Variants in CACNA1C observed in about 807,000 individuals in gnomAD.
The protein encoded by CACNA1C is voltage-dependent L-type calcium channel subunit alpha-1C.
Under a neutral mutation model 229.0 loss-of-function variants are expected in CACNA1C, and 30 were observed. The ratio of observed to expected loss-of-function variants is 0.13; its 90% CI spans 0.10 to 0.18. The LOEUF is 0.18. Ranked by LOEUF, CACNA1C falls within the 10% of genes least tolerant of loss-of-function variation. The pLI is 1.00. For synonymous variants in CACNA1C, 1,114 were observed against 1,132.5 expected (o/e 0.98, Z 0.33); for missense variants, 1,658 against 2,845.0 (o/e 0.58, Z 9.49).
chr12:2,361,477 T>G (rs2097556339), intron 3 of CACNA1C, among the ~76,000 whole-genome samples: 1 of 152,134 alleles, frequency 6.6e-6, no homozygotes, highest in Admixed American at 6.5e-5. Context: ...CTTTTTTCCT[T>G]TCTCCCTTCC....
At chr12:2,685,111 A>T (rs1357150431) in intron 43 of CACNA1C, among the ~76,000 whole-genome samples, 1 of 152,198 alleles carries the variant, frequency 6.6e-6, no homozygotes, top group Non-Finnish European at 1.5e-5. Context: ...AAAGGCTATG[A>T]GGTTTCATTC....
At chr12:2,387,510 G>A (rs1398402726) in intron 3 of CACNA1C, among the ~76,000 whole-genome samples, 2 of 151,114 alleles carry the variant, frequency 1.3e-5, no homozygotes. Context: ...AAGAAAGAAA[G>A]CAATGACTAA....
At chr12:2,555,619 C>A (rs186238548) in intron 10 of CACNA1C, among the ~76,000 whole-genome samples, 2 of 152,172 alleles carry the variant, frequency 1.3e-5, no homozygotes, top group African/African-American at 2.4e-5. Context: ...GCTCCCAGTC[C>A]CCCTCCCACA....
chr12:2,487,985 C>G (rs975208383), intron 6 of CACNA1C, among the ~76,000 whole-genome samples: 1 of 152,176 alleles, frequency 6.6e-6, no homozygotes, highest in Non-Finnish European at 1.5e-5. Flanking sequence ...TTGACCCAAA[C>G]TCCTCAGGAA....
intron 3 of CACNA1C, among the ~76,000 whole-genome samples, chr12:2,190,371 G>GC (rs753482336): frequency 1.5e-4 from 23 of 152,142 alleles, no homozygotes; most frequent in Non-Finnish European, 2.8e-4. Context: ...GCTCATCCCC[G>GC]CCCCGCAGTG....
At chr12:2,077,394 ATTAC>A (rs1565538937) in intron 1 of CACNA1C, among the ~76,000 whole-genome samples, 1 of 115,656 alleles carries the variant, frequency 8.6e-6, no homozygotes, top group Non-Finnish European at 1.8e-5. Flanking sequence ...TTAAATTTGT[ATTAC>A]TTTTTAAAGA....
chr12:2,358,719 C>T (rs994325069), intron 3 of CACNA1C, among the ~76,000 whole-genome samples: 2 of 152,186 alleles, frequency 1.3e-5, no homozygotes, highest in Admixed American at 6.5e-5. Context: ...GAGAACAGTG[C>T]GCACGCCCAC....
chr12:2,559,952 A>AAT (rs1425901142), intron 11 of CACNA1C, among the ~76,000 whole-genome samples: 3 of 152,252 alleles, frequency 2.0e-5, no homozygotes, highest in Admixed American at 1.3e-4. Flanking sequence ...TTACTATTTC[A>AAT]ATATGTAATT....
rs112193355 is a variant in CACNA1C, at chr12:2,343,953, C to T, written c.478-105023C>T. On this transcript the variant is annotated intron_variant, in intron 3 of 46. Transcript: ENST00000399655. ...TTTCATCTCCTGCCTAACATAATGA[C>T]CAGTTTGGTTCCTGTCCTGGAAATA... Among the ~76,000 whole-genome samples, 456 of 152,276 alleles carry T rather than the reference C, an allele frequency of 3.0e-3. 3 individuals are homozygous for T. Among genetic ancestry groups the T allele is most frequent in the African/African-American group, 9.0e-3 (372 of 41,536 alleles).
At chr12:2,430,721 G>A (rs2099074680) in intron 3 of CACNA1C, among the ~76,000 whole-genome samples, 1 of 152,132 alleles carries the variant, frequency 6.6e-6, no homozygotes, top group South Asian at 2.1e-4. Context: ...TCCTGGCATT[G>A]TAGGATCTGG....
At chr12:2,555,935 C>T (rs2043986595) in intron 10 of CACNA1C, among the ~76,000 whole-genome samples, 1 of 152,154 alleles carries the variant, frequency 6.6e-6, no homozygotes, top group African/African-American at 2.4e-5. Flanking sequence ...TGTTTCCTCC[C>T]CATGCCTCTC....
intron 3 of CACNA1C, among the ~76,000 whole-genome samples, chr12:2,240,909 T>C (rs1463723857): frequency 6.6e-6 from 1 of 152,060 alleles, no homozygotes; most frequent in African/African-American, 2.4e-5. Context: ...ACCGTCTCAG[T>C]GGGTGCTTCT....
chr12:2,584,892 G>A (rs1394329372), intron 16 of CACNA1C, among the ~76,000 whole-genome samples: 1 of 152,228 alleles, frequency 6.6e-6, no homozygotes, highest in Non-Finnish European at 1.5e-5. Context: ...TGGCAGGAGT[G>A]TAGGGTGGGG....
At chr12:2,227,972 G>A (rs2239032) in intron 3 of CACNA1C, among the ~76,000 whole-genome samples, 15,435 of 152,196 alleles carry the variant, frequency 0.1, 1,013 homozygotes, top group South Asian at 0.15. Flanking sequence ...GATTCTTGAT[G>A]CAGTCTCTTC....
chr12:2,426,794 G>C (rs1382920610), intron 3 of CACNA1C, among the ~76,000 whole-genome samples: 2 of 152,200 alleles, frequency 1.3e-5, no homozygotes, highest in Admixed American at 1.3e-4. Context: ...GGCTGGGATG[G>C]CTGGGATGTC....
At chr12:2,129,473 T>C (rs1266625677) in intron 3 of CACNA1C, among the ~76,000 whole-genome samples, 1 of 152,232 alleles carries the variant, frequency 6.6e-6, no homozygotes, top group Non-Finnish European at 1.5e-5. Context: ...TGCTCCAGTT[T>C]TATCCATCTT....
At chr12:2,317,585 G>A (rs2095757138) in intron 3 of CACNA1C, among the ~76,000 whole-genome samples, 1 of 152,196 alleles carries the variant, frequency 6.6e-6, no homozygotes, top group Non-Finnish European at 1.5e-5. Context: ...AGCAATTTGA[G>A]TGTATATAAC....
intron 5 of CACNA1C, among the ~76,000 whole-genome samples, chr12:2,483,341 T>C (rs939394850): frequency 6.6e-6 from 1 of 152,152 alleles, no homozygotes; most frequent in Non-Finnish European, 1.5e-5. Context: ...GTGTGTACTT[T>C]AGGAAGAGCA....
chr12:2,498,881 A>G (rs2099752653), intron 7 of CACNA1C, among the ~76,000 whole-genome samples: 1 of 152,222 alleles, frequency 6.6e-6, no homozygotes, highest in Admixed American at 6.5e-5. Context: ...ACTGGGGCCC[A>G]CTACTCTCTA....
Sources: gnomAD v4.1 joint callset for allele counts (sites outside exome capture counted in the v4.1 genomes callset) on GRCh38, gnomAD v4.1.1 for gene constraint, MANE v1.5 for transcripts, NCBI Gene and HGNC (gene_info 2026-07-23, HGNC 2026-07-21) for gene names.